WDR43: variants seen among roughly 807,000 people sequenced by gnomAD.
WDR43 encodes the protein WD repeat-containing protein 43.
Under a neutral mutation model 91.4 loss-of-function variants are expected in WDR43, and 13 were observed. The ratio of observed to expected loss-of-function variants is 0.14; its 90% confidence interval spans 0.09 to 0.23. The LOEUF (loss-of-function observed/expected upper bound fraction) is 0.23, where lower values mean the gene tolerates loss of function less well. WDR43 is among the 10% of genes least tolerant of loss of function. The pLI is 1.00. For synonymous variants in WDR43, 331 were observed against 287.9 expected, an observed-to-expected ratio of 1.15 and a Z score of -1.51; for missense variants, 780 against 809.4, an observed-to-expected ratio of 0.96 and a Z score of 0.44.
At chr2:28,922,798 T>TTTTTG in intron 6 of WDR43, 121 bp from the exon 7 acceptor site, 1 of 106,870 alleles carries the variant, frequency 9.4e-6, no homozygotes, top group Non-Finnish European at 1.5e-5. Context: ...TCTTGCTGTG[T>TTTTTG]TTTTTTTTTT....
chr2:28,934,565 A>G (rs971487572), intron 11 of WDR43, among the ~76,000 whole-genome samples: 1 of 152,192 alleles, frequency 6.6e-6, no homozygotes, highest in African/African-American at 2.4e-5. Flanking sequence ...TCTGTTTATT[A>G]TCATTTCACT....
At chr2:28,946,341 A>T in intron 16 of WDR43, 109 bp from the exon 17 acceptor site, 2 of 1,135,776 alleles carry the variant, frequency 1.8e-6, no homozygotes, top group Non-Finnish European at 2.4e-6. Context: ...ATTGCTAAAT[A>T]TAAATAATAT....
chr2:28,916,425 G>A (rs925188318), intron 5 of WDR43, among the ~76,000 whole-genome samples: 3 of 151,986 alleles, frequency 2.0e-5, no homozygotes, highest in Admixed American at 6.6e-5. Context: ...ACTTGGTATA[G>A]CATTTAATTT....
intron 6 of WDR43, among the ~76,000 whole-genome samples, chr2:28,918,667 C>T (rs912435749): frequency 6.6e-6 from 1 of 152,104 alleles, no homozygotes; most frequent in Non-Finnish European, 1.5e-5. Context: ...CCATGCCCAG[C>T]CTATATATGT....
intron 11 of WDR43, chr2:28,930,241 G>A (rs1225673889): frequency 2.7e-6 from 1 of 368,880 alleles, no homozygotes; most frequent in Non-Finnish European, 5.5e-6. Context: ...ATAAAGGGAG[G>A]CATTTATGAT....
At chr2:28,904,309 T>A (rs116145563) in intron 2 of WDR43, among the ~76,000 whole-genome samples, 3,546 of 152,270 alleles carry the variant, frequency 0.023, 66 homozygotes, top group Non-Finnish European at 0.034. Context: ...ATAATTTAAC[T>A]TCTCATCCCT....
At chr2:28,906,239 C>T (rs951489932) in intron 2 of WDR43, among the ~76,000 whole-genome samples, 4 of 152,134 alleles carry the variant, frequency 2.6e-5, no homozygotes, top group East Asian at 1.9e-4. Flanking sequence ...TTGCCTTTCA[C>T]ATCCTCTGCC....
At chr2:28,937,792 C>A in intron 13 of WDR43, 139 bp from the exon 14 acceptor site, 1 of 773,322 alleles carries the variant, frequency 1.3e-6, no homozygotes, top group Non-Finnish European at 2.1e-6. Flanking sequence ...GTGATATATA[C>A]ACAGTGATAT....
Position 28,906,554 on chromosome 2 carries a change from G to T in WDR43, c.458G>T (p.Trp153Leu). The change falls in exon 3 of 18, where the codon TGG (tryptophan) becomes TTG (leucine). Residue 153 changes from tryptophan (W) to leucine (L), a missense_variant. By Grantham distance (61) the Trp-to-Leu change is moderately conservative (BLOSUM62 -2). Transcript: ENST00000407426. ...TCAGATGATAAACATATTGTGGAAT[G>T]GAACGTACAGACATGCAAAGTAAAG... is the stretch of plus-strand genomic sequence containing the variant. ...SCSDDKHIVE[W>L]NVQTCKVKCK... 1 of 1,611,720 alleles carries T rather than the reference G, an allele frequency of 6.2e-7. No individual in the cohort carries two copies. Among genetic ancestry groups the T allele is most frequent in the South Asian group, 1.1e-5 (1 of 90,446 alleles).
rs145420330 is a variant in WDR43 at position 28,936,948 on chromosome 2, T to C, written c.1551T>C (p.Pro517=). The part of the protein sequence containing the change: ...QELTKRLQGH[P]NSAVLMVQWL... ...TTACAAAGAGGTTACAAGGACATCCTAATAGGTAAGATTAAACAGGTGACT... is the reference window on the plus strand; with the variant it reads ...TTACAAAGAGGTTACAAGGACATCCCAATAGGTAAGATTAAACAGGTGACT... Residue 517 remains proline, a synonymous_variant, in exon 13 of 18, where the codon CCT becomes CCC. Transcript: ENST00000407426. The C allele has an allele frequency of 4.6e-4, 717 of 1,573,232 alleles. 7 individuals are homozygous for C. The East Asian group carries it at 0.016, about 35-fold the overall frequency.
chr2:28,932,596 C>T (rs1475043935), intron 11 of WDR43, among the ~76,000 whole-genome samples: 1 of 152,036 alleles, frequency 6.6e-6, no homozygotes, highest in Admixed American at 6.6e-5. Context: ...AACGTTTTCC[C>T]CCTTCCCAAA....
At chr2:28,914,237 AG>A (rs1426307624) in intron 5 of WDR43, 29 bp downstream of exon 5, 4 of 1,598,030 alleles carry the variant, frequency 2.5e-6, no homozygotes, top group Non-Finnish European at 3.4e-6. Flanking sequence ...TTTGGGAGGT[AG>A]CATTGAAAGA....
At position 28,946,970 on chromosome 2, in the gene WDR43, TAA is replaced by T; in HGVS notation, c.*192_*193del. 1.7e-6 allele frequency: 1 copy of T among 583,768 alleles called. No individual in the cohort carries two copies. The highest frequency in any genetic ancestry group is 2.9e-6 in the Non-Finnish European group (1 of 343,212). 36.2% of individuals were successfully genotyped at this position (583,768 alleles called of 1,614,324 possible). ...AAATAAGAGTGTTTCATTCAAATGTTAATAAACTTTACACAGTATATAGACAC... is the reference window on the plus strand; with the variant it reads ...AAATAAGAGTGTTTCATTCAAATGTTTAAACTTTACACAGTATATAGACAC... On this transcript the variant is annotated 3_prime_UTR_variant, in exon 18 of 18. Coordinates refer to ENST00000407426, the MANE Select transcript of WDR43 (RefSeq NM_015131.3).
At position 28,911,941 on chromosome 2, in the gene WDR43, T is replaced by C. The variant is rs576038095; in HGVS notation, c.486-649T>C. Among the ~76,000 whole-genome samples, 20 of 152,284 alleles carry C rather than the reference T, an allele frequency of 1.3e-4. No homozygotes were observed. The South Asian group carries it at 3.7e-3, about 28-fold the overall frequency. ...GCCCTGCCCCTGCTGTTACTTCTTA[T>C]AAGTGAATAGCCAAGTTCCCTATTG... On this transcript the variant is annotated intron_variant, in intron 3 of 17. Coordinates refer to ENST00000407426, the MANE Select transcript of WDR43 (RefSeq NM_015131.3).
chr2:28,934,505 G>C (rs1354172874), intron 11 of WDR43, among the ~76,000 whole-genome samples: 5 of 152,120 alleles, frequency 3.3e-5, no homozygotes, highest in African/African-American at 1.2e-4. Flanking sequence ...ATGGCTTATA[G>C]GTTTGTTTCT....
intron 9 of WDR43, chr2:28,927,062 A>C (rs767912395): frequency 1.9e-6 from 1 of 519,184 alleles, no homozygotes; most frequent in African/African-American, 1.9e-5. Flanking sequence ...AGGGAAAGCC[A>C]AGACATGCTA....
chr2:28,912,807 A>G (rs1670828698), intron 4 of WDR43, 97 bp downstream of exon 4: 10 of 1,466,942 alleles, frequency 6.8e-6, no homozygotes, highest in Non-Finnish European at 8.2e-6. Context: ...AAGAATACAA[A>G]TTCTTCATTG....
Position 28,946,712 on chromosome 2 carries a change from CA to C in WDR43, c.1968del (p.Ala657GlnfsTer6). 1 of 1,582,410 alleles carries C rather than the reference CA, an allele frequency of 6.3e-7. No homozygotes were observed. The highest frequency in any genetic ancestry group is 1.2e-5 in the South Asian group (1 of 86,200). On this transcript the variant is annotated frameshift_variant, in exon 18 of 18. Transcript: ENST00000407426. LOFTEE classifies it high-confidence loss of function. ...GAAGAAAATGGCGAGGACAGAGATA[CA>C]GCAAGTGAAAAAGAATTAAATGGAG... ...KDEENGEDRD[T>X]ASEKELNGDS...
At chr2:28,943,887 A>G (rs4479391) in intron 16 of WDR43, among the ~76,000 whole-genome samples, 138,252 of 152,208 alleles carry the variant, frequency 0.91, 62,872 homozygotes, top group Non-Finnish European at 0.94. Flanking sequence ...GTGGGAGTAC[A>G]TGTGCATTCT....
Sources: gnomAD v4.1 joint callset for allele counts (sites outside exome capture counted in the v4.1 genomes callset) on GRCh38, gnomAD v4.1.1 for gene constraint, MANE v1.5 for transcripts, NCBI Gene and HGNC (gene_info 2026-07-23, HGNC 2026-07-21) for gene names.